Variants in GOLIM4 observed in about 807,000 individuals in gnomAD.
The protein encoded by GOLIM4 is 130 kDa golgi-localized phosphoprotein.
Under a neutral mutation model 107.4 loss-of-function variants are expected in GOLIM4, and 71 were observed. The ratio of observed to expected loss-of-function variants is 0.66; its 90% CI spans 0.55 to 0.81. The LOEUF (loss-of-function observed/expected upper bound fraction) is 0.81. Among genes scored for constraint, GOLIM4 ranks in the 30% least tolerant of loss-of-function variants. The pLI is 0.00. For missense variants in GOLIM4, 830 were observed against 826.1 expected (o/e 1.00, Z -0.06); for synonymous variants, 327 against 294.8 (o/e 1.11, Z -1.12).
In GOLIM4 at chr3:168,036,911, T is replaced by C. The variant is rs1351881816; in HGVS notation, c.768A>G (p.Gln256=). The change falls in exon 8 of 16, where the codon CAA becomes CAG. Residue 256 remains glutamine (Q), a synonymous_variant. Coordinates refer to ENST00000470487, the MANE Select transcript of GOLIM4 (RefSeq NM_014498.5). The part of the protein sequence containing the change: ...SLRKPDPAEQ[Q]NVTQVAHSPQ... ...GAGAATGTGCCACCTGGGTCACATT[T>C]TGCTGTTCTGCTGGATCAGGTTTTC... 1 of 1,613,802 alleles carries C rather than the reference T, an allele frequency of 6.2e-7. No homozygotes were observed. Among genetic ancestry groups the C allele is most frequent in the East Asian group, 2.2e-5 (1 of 44,884 alleles).
intron 1 of GOLIM4, among the ~76,000 whole-genome samples, chr3:168,094,276 A>G (rs2108300936): frequency 6.6e-6 from 1 of 152,340 alleles, no homozygotes; most frequent in East Asian, 1.9e-4. Flanking sequence ...TAGGATAGAA[A>G]CTTTAAGTTC....
intron 14 of GOLIM4, among the ~76,000 whole-genome samples, chr3:168,013,314 G>A (rs1717166345): frequency 1.3e-5 from 2 of 152,046 alleles, no homozygotes; most frequent in South Asian, 2.1e-4. Context: ...TAATGGTCAA[G>A]GGATCAATTC....
rs10628217 is a variant in GOLIM4, at chr3:168,037,451, T to TACACAC, written c.685-463_685-458dup. 1.6e-3 allele frequency among the ~76,000 whole-genome samples: 232 copies of TACACAC among 149,620 alleles called. 1 individual carries two copies. The East Asian group carries it at 0.017, about 11-fold the overall frequency. Reference sequence around the variant, plus strand: ...GTTTAAAATAAATTTTAAATACACATACACACACACACACACACACAAACA... The same window carrying TACACAC: ...GTTTAAAATAAATTTTAAATACACATACACACACACACACACACACACACACAAACA... On this transcript the variant is annotated intron_variant, in intron 7 of 15. Transcript: ENST00000470487.
At chr3:168,078,911 GC>G (rs1721200233) in intron 1 of GOLIM4, among the ~76,000 whole-genome samples, 1 of 151,490 alleles carries the variant, frequency 6.6e-6, no homozygotes, top group Admixed American at 6.6e-5. Context: ...TGCTACAAAT[GC>G]TTGTGTTTTG....
chr3:168,029,996 G>T lies in GOLIM4; in HGVS notation c.1217C>A (p.Pro406His). ...SAKPMIKFQS[P>H]YEEQLEQQRL... The stretch of plus-strand genomic sequence containing the variant: ...CTGCTGTTCCAACTGTTCCTCATAG[G>T]GTGATTGGAATTTGATCATTGGCTT... Residue 406 changes from proline (P) to histidine (H), a missense_variant, in exon 10 of 16, where the codon CCC (proline) becomes CAC (histidine). Transcript: ENST00000470487. 1 of 1,614,126 alleles carries T rather than the reference G, an allele frequency of 6.2e-7. No homozygotes were observed. Among genetic ancestry groups the T allele is most frequent in the Non-Finnish European group, 8.5e-7 (1 of 1,180,004 alleles).
intron 3 of GOLIM4, among the ~76,000 whole-genome samples, chr3:168,046,447 G>A (rs1045532922): frequency 1.3e-5 from 2 of 152,128 alleles, no homozygotes; most frequent in African/African-American, 2.4e-5. Flanking sequence ...AGGACCCTGC[G>A]GCCTTCCGCA....
chr3:168,048,431 T>C, intron 1 of GOLIM4, 66 bp from the exon 2 acceptor site: 1 of 746,876 alleles, frequency 1.3e-6, no homozygotes, highest in Non-Finnish European at 2.3e-6. Context: ...TTAACATCAA[T>C]TTTTAAAACA....
chr3:168,067,025 C>A (rs1477819409), intron 1 of GOLIM4, among the ~76,000 whole-genome samples: 2 of 151,938 alleles, frequency 1.3e-5, no homozygotes, highest in Non-Finnish European at 2.9e-5. Context: ...ATCCTCCTAC[C>A]CTCCATAAAC....
intron 1 of GOLIM4, among the ~76,000 whole-genome samples, chr3:168,082,209 G>A (rs900806183): frequency 1.3e-5 from 2 of 152,044 alleles, no homozygotes; most frequent in African/African-American, 2.4e-5. Flanking sequence ...AACCACCCCC[G>A]CCAAGGATCC....
chr3:168,033,010 A>G (rs1386124767), intron 8 of GOLIM4, among the ~76,000 whole-genome samples, 158 bp from the exon 9 acceptor site: 1 of 152,186 alleles, frequency 6.6e-6, no homozygotes, highest in Non-Finnish European at 1.5e-5. Flanking sequence ...GAGTCACTTA[A>G]GTTTCTTACT....
rs552993208 is a variant in GOLIM4 at position 168,051,399 on chromosome 3, G to A, written c.188-3034C>T. 3.9e-5 allele frequency among the ~76,000 whole-genome samples: 6 copies of A among 152,282 alleles called. No individual in the cohort carries two copies. The South Asian group carries it at 1.2e-3, about 32-fold the overall frequency. ...ACATATTTGACATATTAACAGCAGT[G>A]TGTCTCAAGAGCCAGGAGATCATAG... On this transcript the variant is annotated intron_variant, in intron 1 of 15. Coordinates refer to ENST00000470487, the MANE Select transcript of GOLIM4 (RefSeq NM_014498.5).
At chr3:168,092,458 G>A (rs1162152879) in intron 1 of GOLIM4, among the ~76,000 whole-genome samples, 1 of 152,150 alleles carries the variant, frequency 6.6e-6, no homozygotes, top group Non-Finnish European at 1.5e-5. Flanking sequence ...ACTTTCAAAG[G>A]AATCTATGGA....
intron 1 of GOLIM4, among the ~76,000 whole-genome samples, chr3:168,072,675 A>G (rs939447286): frequency 6.6e-6 from 1 of 152,174 alleles, no homozygotes; most frequent in African/African-American, 2.4e-5. Flanking sequence ...TGTCTTTTAT[A>G]TTCTTTTTAT....
intron 14 of GOLIM4, among the ~76,000 whole-genome samples, chr3:168,014,298 G>A (rs1394116282): frequency 6.7e-6 from 1 of 150,180 alleles, no homozygotes; most frequent in Non-Finnish European, 1.5e-5. Context: ...AGAAGAAATG[G>A]ATAAATTCCT....
rs1276539929 is a variant in GOLIM4 at position 168,040,878 on chromosome 3, A to T, written c.601-9T>A. On this transcript the variant is annotated splice_polypyrimidine_tract_variant and intron_variant, in intron 6 of 15. Transcript: ENST00000470487. ...AAATTCTTATGCTGTTGCTACACAA[A>T]AAAGAATTTTACATGTTGAGCTTTA... 3.1e-6 allele frequency: 5 copies of T among 1,592,932 alleles called. No individual in the cohort carries two copies. The highest frequency in any genetic ancestry group is 3.4e-6 in the Non-Finnish European group (4 of 1,161,008).
intron 1 of GOLIM4, among the ~76,000 whole-genome samples, chr3:168,056,428 T>A (rs1030297966): frequency 1.3e-5 from 2 of 151,876 alleles, no homozygotes; most frequent in Non-Finnish European, 1.5e-5. Context: ...CCAAACAGAG[T>A]CCCTACTGGG....
At chr3:168,054,131 C>A (rs1280788201) in intron 1 of GOLIM4, among the ~76,000 whole-genome samples, 3 of 152,226 alleles carry the variant, frequency 2.0e-5, no homozygotes, top group African/African-American at 7.2e-5. Flanking sequence ...ACTTCTCACT[C>A]AATTCCAGTT....
At chr3:168,068,956 C>A (rs1720699015) in intron 1 of GOLIM4, among the ~76,000 whole-genome samples, 3 of 152,072 alleles carry the variant, frequency 2.0e-5, no homozygotes, top group Admixed American at 2.0e-4. Flanking sequence ...CCTGCCTCAG[C>A]CTCCTGAGTA....
rs1577588290 is a variant in GOLIM4, at chr3:168,095,197, G to A, written c.89C>T (p.Ala30Val). Residue 30 changes from alanine (A) to valine (V), a missense_variant, in exon 1 of 16, where the codon GCG becomes GTG. Transcript: ENST00000470487. ...LTVVFGFLYGAMLYYELQTQL... is the reference protein window; with the variant it reads ...LTVVFGFLYGVMLYYELQTQL... ...CGTCTGCAGCTCGTAGTAGAGCATC[G>A]CGCCGTAGAGAAAGCCGAACACGAC... The A allele has an allele frequency of 2.5e-6, 4 of 1,613,610 alleles. No individual in the cohort carries two copies. Among genetic ancestry groups the A allele is most frequent in the South Asian group, 2.2e-5 (2 of 91,068 alleles).
Sources: allele counts gnomAD v4.1 joint callset (sites outside exome capture counted in the v4.1 genomes callset), GRCh38; gene constraint gnomAD v4.1.1; transcripts MANE v1.5; gene names NCBI Gene and HGNC (gene_info 2026-07-23, HGNC 2026-07-21).